Variants in SNX24 observed in about 807,000 individuals in gnomAD.
SNX24 encodes sorting nexin-24.
SNX24 carries 22 observed loss-of-function variants against 28.7 expected under a neutral mutation model. The observed-to-expected ratio is 0.77, with a 90% CI of 0.55 to 1.10. SNX24 has a LOEUF of 1.10. Ranked by LOEUF, SNX24 falls within the 50% of genes least tolerant of loss-of-function variation. The pLI, the probability that SNX24 is intolerant of heterozygous loss-of-function variation, is 0.00. For synonymous variants in SNX24, 69 were observed against 71.5 expected (o/e 0.96, Z 0.18); for missense variants, 221 against 201.1 (o/e 1.10, Z -0.60).
At chr5:122,944,063 C>G (rs1312849713) in intron 2 of SNX24, among the ~76,000 whole-genome samples, 1 of 152,172 alleles carries the variant, frequency 6.6e-6, no homozygotes. Flanking sequence ...GTAGTAGAAA[C>G]TTGATTAGAT....
At chr5:122,967,816 G>A (rs1760777022) in intron 3 of SNX24, among the ~76,000 whole-genome samples, 2 of 152,146 alleles carry the variant, frequency 1.3e-5, no homozygotes, top group South Asian at 4.1e-4. Context: ...GTCCTGCTGG[G>A]AAACCACCGG....
At chr5:122,941,328 C>T (rs544228092) in intron 2 of SNX24, among the ~76,000 whole-genome samples, 6 of 152,186 alleles carry the variant, frequency 3.9e-5, no homozygotes, top group South Asian at 2.1e-4. Context: ...CTTTACTGGC[C>T]GACTTTATTT....
Position 122,995,198 on chromosome 5 carries a change from A to C in SNX24, c.250-4714A>C, listed in dbSNP as rs542776174. Among the ~76,000 whole-genome samples the C allele has an allele frequency of 2.6e-5, 4 of 152,288 alleles. No homozygotes were observed. The East Asian group carries it at 7.7e-4, about 29-fold the overall frequency. ...TTACTACTTTTATTGCACACGCTTC[A>C]ATTAGAAAATGACTCCTTCCTTGCT... On this transcript the variant is annotated intron_variant, in intron 3 of 6. Coordinates refer to ENST00000261369, the MANE Select transcript of SNX24 (RefSeq NM_014035.4).
At chr5:122,960,047 A>G (rs1760418922) in intron 3 of SNX24, among the ~76,000 whole-genome samples, 1 of 152,122 alleles carries the variant, frequency 6.6e-6, no homozygotes, top group East Asian at 1.9e-4. Context: ...TCCACCTGTT[A>G]TCTTTCTTTT....
chr5:122,965,223 CA>C (rs1380272023), intron 3 of SNX24, among the ~76,000 whole-genome samples: 1 of 152,208 alleles, frequency 6.6e-6, no homozygotes, highest in Admixed American at 6.5e-5. Context: ...TAATTTTGAA[CA>C]GTGTTCCAAC....
chr5:122,986,874 TGGATGGAG>T (rs1481039027), intron 3 of SNX24, among the ~76,000 whole-genome samples: 4 of 150,994 alleles, frequency 2.6e-5, no homozygotes, highest in African/African-American at 7.3e-5. Flanking sequence ...GATGGATGGA[TGGATGGAG>T]GGATGGATGG....
At chr5:122,902,255 A>G (rs748045599) in intron 1 of SNX24, among the ~76,000 whole-genome samples, 26 of 152,158 alleles carry the variant, frequency 1.7e-4, no homozygotes, top group South Asian at 2.1e-4. Context: ...TTGGCTCTCT[A>G]TAGCCTGAAG....
intron 1 of SNX24, among the ~76,000 whole-genome samples, chr5:122,897,528 A>G (rs1251270594): frequency 6.6e-6 from 1 of 152,208 alleles, no homozygotes; most frequent in Non-Finnish European, 1.5e-5. Flanking sequence ...CTCCTAGGAT[A>G]GAACTATGCT....
intron 5 of SNX24, among the ~76,000 whole-genome samples, chr5:123,016,501 G>A (rs1164928040): frequency 6.6e-6 from 1 of 152,138 alleles, no homozygotes; most frequent in African/African-American, 2.4e-5. Flanking sequence ...GTATATAATG[G>A]CTCACACTTT....
chr5:122,925,588 G>A (rs1055939287), intron 1 of SNX24, among the ~76,000 whole-genome samples: 2 of 151,842 alleles, frequency 1.3e-5, no homozygotes, highest in African/African-American at 4.8e-5. Flanking sequence ...CATAGCTTTT[G>A]GGCCCTCATG....
intron 1 of SNX24, among the ~76,000 whole-genome samples, chr5:122,856,167 CCATGTGCT>C (rs1755181339): frequency 6.6e-6 from 1 of 152,134 alleles, no homozygotes; most frequent in African/African-American, 2.4e-5. Flanking sequence ...CCCTCTGTAT[CCATGTGCT>C]CTTTTGTTTA....
intron 1 of SNX24, among the ~76,000 whole-genome samples, chr5:122,921,080 T>C (rs1161807756): frequency 6.6e-6 from 1 of 151,984 alleles, no homozygotes. Flanking sequence ...TATATATACA[T>C]ATACGCACAC....
chr5:122,912,718 T>C (rs1294631768), intron 1 of SNX24, among the ~76,000 whole-genome samples: 1 of 151,866 alleles, frequency 6.6e-6, no homozygotes, highest in East Asian at 1.9e-4. Flanking sequence ...CTGCATCTAT[T>C]GAGATAATCA....
chr5:122,868,991 A>T (rs1755855889), intron 1 of SNX24, among the ~76,000 whole-genome samples: 4 of 152,264 alleles, frequency 2.6e-5, no homozygotes, highest in Admixed American at 2.6e-4. Context: ...TAAAATGAGA[A>T]ACGTTTTTAC....
chr5:122,916,263 A>G (rs1758159346), intron 1 of SNX24, among the ~76,000 whole-genome samples: 1 of 152,134 alleles, frequency 6.6e-6, no homozygotes, highest in South Asian at 2.1e-4. Flanking sequence ...CTTCATTCTG[A>G]TTGCATGAGG....
At chr5:122,953,983 T>C (rs551070113) in intron 3 of SNX24, among the ~76,000 whole-genome samples, 87 of 152,288 alleles carry the variant, frequency 5.7e-4, no homozygotes, top group Middle Eastern at 6.8e-3. Context: ...AGTTACTGTC[T>C]TCACAAGACC....
intron 1 of SNX24, among the ~76,000 whole-genome samples, chr5:122,895,874 C>T (rs1251561403): frequency 6.6e-6 from 1 of 152,238 alleles, no homozygotes; most frequent in African/African-American, 2.4e-5. Flanking sequence ...CAAGGCCGGG[C>T]ACAGTGGCTC....
intron 1 of SNX24, among the ~76,000 whole-genome samples, chr5:122,916,376 C>G (rs1295055036): frequency 6.6e-6 from 1 of 152,208 alleles, no homozygotes; most frequent in East Asian, 1.9e-4. Flanking sequence ...CCTTGGCCCC[C>G]TCTTAAGGTT....
rs1183386656 is a variant in SNX24, at chr5:122,847,502, C to CTTTTTTTTTTTTT, written c.60+1820_60+1821insTTTTTTTTTTTTT. On this transcript the variant is annotated intron_variant, in intron 1 of 6. Coordinates refer to ENST00000261369, the MANE Select transcript of SNX24 (RefSeq NM_014035.4). ...CTAAACTGTTAAAATCTCTCTCTCT[C>CTTTTTTTTTTTTT]TTTTTTTTTTTGAGACAGTCTTCCT... is the stretch of plus-strand genomic sequence containing the variant. Among the ~76,000 whole-genome samples the CTTTTTTTTTTTTT allele has an allele frequency of 6.9e-5, 9 of 130,790 alleles. 2 individuals are homozygous for CTTTTTTTTTTTTT. Among genetic ancestry groups the CTTTTTTTTTTTTT allele is most frequent in the Non-Finnish European group, 6.3e-5 (4 of 63,622 alleles). 85.8% of individuals were successfully genotyped at this position (130,790 alleles called of 152,430 possible).
Sources: allele counts gnomAD v4.1 joint callset (sites outside exome capture counted in the v4.1 genomes callset), GRCh38; gene constraint gnomAD v4.1.1; transcripts MANE v1.5; gene names NCBI Gene and HGNC (gene_info 2026-07-23, HGNC 2026-07-21).